IFT80: variants seen among roughly 807,000 people sequenced by gnomAD.
The protein encoded by IFT80 is intraflagellar transport 80.
IFT80 carries 79 observed loss-of-function variants against 107.9 expected under a neutral mutation model. The ratio of observed to expected loss-of-function variants is 0.73; its 90% confidence interval spans 0.61 to 0.88. The LOEUF is 0.88. Ranked by LOEUF, IFT80 falls within the 40% of genes least tolerant of loss-of-function variation. The pLI is 0.00. For missense variants in IFT80, 797 were observed against 914.2 expected (o/e 0.87, Z 1.65); for synonymous variants, 299 against 300.9 (o/e 0.99, Z 0.07).
intron 8 of IFT80, among the ~76,000 whole-genome samples, chr3:160,330,637 G>A (rs970882016): frequency 1.3e-5 from 2 of 152,128 alleles, no homozygotes; most frequent in Non-Finnish European, 2.9e-5. Flanking sequence ...TTTAGTAGAT[G>A]TGGGCTGGGG....
At chr3:160,328,187 T>C (rs1576816562) in intron 8 of IFT80, among the ~76,000 whole-genome samples, 1 of 151,482 alleles carries the variant, frequency 6.6e-6, no homozygotes, top group African/African-American at 2.4e-5. Flanking sequence ...TCTGGCCGAG[T>C]GCAGTAGCTC....
chr3:160,326,487 A>G (rs1280499524), intron 8 of IFT80, among the ~76,000 whole-genome samples: 1 of 152,098 alleles, frequency 6.6e-6, no homozygotes, highest in African/African-American at 2.4e-5. Flanking sequence ...ATGATCAAGT[A>G]GGCTTCATTC....
chr3:160,273,830 T>C (rs1257835715), intron 18 of IFT80, among the ~76,000 whole-genome samples: 1 of 152,118 alleles, frequency 6.6e-6, no homozygotes, highest in African/African-American at 2.4e-5. Context: ...CTTTATCATC[T>C]TTTCAGGTAG....
intron 1 of IFT80, chr3:160,394,455 C>G (rs1713624181): frequency 6.6e-6 from 1 of 152,220 alleles, no homozygotes; most frequent in Non-Finnish European, 1.5e-5. Context: ...TAGTAAAGAC[C>G]TCCAACTCCC....
rs777829091 is a variant in IFT80, at chr3:160,357,502, T to A, written c.626A>T (p.Asp209Val). 3.2e-6 allele frequency: 5 copies of A among 1,540,954 alleles called. No individual in the cohort carries two copies. The highest frequency in any genetic ancestry group is 4.5e-6 in the Non-Finnish European group (5 of 1,114,278). ...AACATTATATACCTTATATTTACAG[T>A]CTTCACCAGCAGATAAAATAAGATC... ...VNDLILSAGE[D>V]CKYKVWDSYG... Residue 209 changes from aspartate to valine, a missense_variant, in exon 7 of 20, where the codon GAC becomes GTC. By Grantham distance (152) the Asp-to-Val change is radical. Coordinates refer to ENST00000326448, the MANE Select transcript of IFT80 (RefSeq NM_020800.3).
intron 9 of IFT80, among the ~76,000 whole-genome samples, chr3:160,309,783 T>A (rs1281973763): frequency 2.7e-5 from 4 of 148,258 alleles, no homozygotes; most frequent in African/African-American, 7.4e-5. Context: ...TGCTCACATT[T>A]AAAAAAAAAA....
intron 16 of IFT80, 89 bp from the exon 17 acceptor site, chr3:160,277,759 T>C (rs1576740594): frequency 1.2e-6 from 1 of 820,726 alleles, no homozygotes; most frequent in Non-Finnish European, 2.0e-6. Context: ...ACTAAAATGA[T>C]ATTTTAATTT....
At chr3:160,373,656 C>A (rs1711731694) in intron 5 of IFT80, 1 of 172,252 alleles carries the variant, frequency 5.8e-6, no homozygotes, top group Non-Finnish European at 1.2e-5. Flanking sequence ...TGTTTTCCTG[C>A]AACAAGATGG....
chr3:160,284,349 T>C (rs552692939), intron 13 of IFT80, among the ~76,000 whole-genome samples: 3 of 152,252 alleles, frequency 2.0e-5, no homozygotes, highest in South Asian at 4.1e-4. Flanking sequence ...AATGACTGCA[T>C]CTTGAAAAGC....
At chr3:160,260,951 GA>G (rs746833112) in intron 19 of IFT80, among the ~76,000 whole-genome samples, 46 of 152,060 alleles carry the variant, frequency 3.0e-4, no homozygotes, top group Non-Finnish European at 5.9e-4. Flanking sequence ...TTGCATTCAC[GA>G]ACTTACCTGT....
chr3:160,323,960 C>G (rs1718477593), intron 8 of IFT80, among the ~76,000 whole-genome samples: 1 of 151,862 alleles, frequency 6.6e-6, no homozygotes, highest in African/African-American at 2.4e-5. Flanking sequence ...ACCACCGATC[C>G]CACAGAAATA....
intron 8 of IFT80, among the ~76,000 whole-genome samples, chr3:160,348,398 G>C (rs1370291194): frequency 5.3e-5 from 8 of 152,106 alleles, no homozygotes; most frequent in Admixed American, 4.6e-4. Context: ...AACAATAGCA[G>C]AACAGCTGCT....
rs1333452654 is a variant in IFT80, at chr3:160,356,107, T to C, written c.683A>G (p.His228Arg). 6 of 1,613,980 alleles carry C rather than the reference T, an allele frequency of 3.7e-6. No homozygotes were observed. Among genetic ancestry groups the C allele is most frequent in the African/African-American group, 1.3e-5 (1 of 74,942 alleles). ...GGCAACTGAAGTAATGGGATGCTCATGAGGTTGTGAATTGTACAGTGGGCG... is the reference window on the plus strand; with the variant it reads ...GGCAACTGAAGTAATGGGATGCTCACGAGGTTGTGAATTGTACAGTGGGCG... ...YGRPLYNSQP[H>R]EHPITSVAWA... The change falls in exon 8 of 20, where the codon CAT (histidine) becomes CGT (arginine). Residue 228 changes from histidine (H) to arginine (R), a missense_variant. His to Arg is a conservative substitution (Grantham distance 29). Coordinates refer to ENST00000326448, the MANE Select transcript of IFT80 (RefSeq NM_020800.3).
intron 8 of IFT80, among the ~76,000 whole-genome samples, chr3:160,322,384 C>A (rs1305252908): frequency 1.3e-5 from 2 of 151,792 alleles, no homozygotes. Flanking sequence ...TTTATGGCTG[C>A]ATAGTATTCC....
chr3:160,260,242 C>T (rs1449526877), intron 19 of IFT80, among the ~76,000 whole-genome samples: 1 of 152,058 alleles, frequency 6.6e-6, no homozygotes, highest in Non-Finnish European at 1.5e-5. Flanking sequence ...TGCTAAGATG[C>T]AAGTGACAGC....
intron 8 of IFT80, among the ~76,000 whole-genome samples, chr3:160,352,486 T>G (rs1720786003): frequency 6.6e-6 from 1 of 152,144 alleles, no homozygotes; most frequent in Admixed American, 6.5e-5. Context: ...ATTTCAGGAC[T>G]TAAAAGGAAT....
rs1365202585 is a variant in IFT80, at chr3:160,257,071, A to G, written c.*1454T>C. 6.6e-6 allele frequency: 1 copy of G among 152,194 alleles called. No homozygotes were observed. Among genetic ancestry groups the G allele is most frequent in the Non-Finnish European group, 1.5e-5 (1 of 68,024 alleles). 9.4% of individuals were successfully genotyped at this position (152,194 alleles called of 1,614,324 possible). A position where few individuals can be genotyped will look rare whatever the true frequency, so the allele number is the denominator to read the frequency against. On this transcript the variant is annotated 3_prime_UTR_variant, in exon 20 of 20. Transcript: ENST00000326448. ...AAACCTTTTAACCATTTATTTTTAA[A>G]CATTTTAAGCTTCTTATTGAAATAT...
intron 9 of IFT80, among the ~76,000 whole-genome samples, chr3:160,313,762 A>G (rs1289063315): frequency 6.6e-6 from 1 of 152,026 alleles, no homozygotes; most frequent in African/African-American, 2.4e-5. Context: ...GGCACAAGCC[A>G]CCACGCCCGG....
chr3:160,384,207 C>T, intron 2 of IFT80: 1 of 214,378 alleles, frequency 4.7e-6, no homozygotes, highest in Non-Finnish European at 7.7e-6. Flanking sequence ...GATCACACCA[C>T]TGTACTCCAG....
Sources: gnomAD v4.1 joint callset for allele counts (sites outside exome capture counted in the v4.1 genomes callset) on GRCh38, gnomAD v4.1.1 for gene constraint, MANE v1.5 for transcripts, NCBI Gene and HGNC (gene_info 2026-07-23, HGNC 2026-07-21) for gene names.